Variants in MERTK observed in about 807,000 individuals in gnomAD.
The protein encoded by MERTK is MER proto-oncogene, tyrosine kinase.
Under a neutral mutation model 99.3 loss-of-function variants are expected in MERTK, and 69 were observed. The ratio of observed to expected loss-of-function variants is 0.70; its 90% CI spans 0.57 to 0.85. The LOEUF (loss-of-function observed/expected upper bound fraction) is 0.85. MERTK is among the 40% of genes least tolerant of loss of function. The pLI is 0.00. For missense variants in MERTK, 1,125 were observed against 1,249.4 expected, an observed-to-expected ratio of 0.90 and a Z score of 1.50; for synonymous variants, 426 against 467.6, an observed-to-expected ratio of 0.91 and a Z score of 1.15.
At chr2:111,911,157 G>A (rs1421441233) in intron 1 of MERTK, among the ~76,000 whole-genome samples, 1 of 152,082 alleles carries the variant, frequency 6.6e-6, no homozygotes, top group Non-Finnish European at 1.5e-5. Context: ...CCCCTTTGTG[G>A]AAACAAGGGG....
intron 4 of MERTK, among the ~76,000 whole-genome samples, chr2:111,962,600 CT>C (rs1430687421): frequency 6.6e-6 from 1 of 152,232 alleles, no homozygotes; most frequent in Non-Finnish European, 1.5e-5. Flanking sequence ...CCACTTTCCC[CT>C]ATCGTTAGCA....
chr2:111,997,300 C>T (rs2104401812), intron 9 of MERTK, 23 bp from the exon 10 acceptor site: 2 of 1,612,916 alleles, frequency 1.2e-6, no homozygotes, highest in Middle Eastern at 3.3e-4. Context: ...AAACCCATGA[C>T]TGGTCTATTG....
Position 111,898,941 on chromosome 2 carries a change from G to C in MERTK, c.61+145G>C, listed in dbSNP as rs1307871556. On this transcript the variant is annotated intron_variant, in intron 1 of 18. Coordinates refer to ENST00000295408, the MANE Select transcript of MERTK (RefSeq NM_006343.3). Reference sequence around the variant, plus strand: ...ACCCTCCACCCACTGCGGTGCCAGAGGAGGGGGCGTAGGCGAACCTACCGT... The same window carrying C: ...ACCCTCCACCCACTGCGGTGCCAGACGAGGGGGCGTAGGCGAACCTACCGT... 3.3e-6 allele frequency: 3 copies of C among 897,228 alleles called. No homozygotes were observed. In the East Asian group the frequency reaches 8.4e-5, roughly 25 times the overall value. 55.6% of individuals were successfully genotyped at this position (897,228 alleles called of 1,614,324 possible).
intron 4 of MERTK, among the ~76,000 whole-genome samples, chr2:111,954,972 T>A (rs1005301405): frequency 2.0e-5 from 3 of 152,208 alleles, no homozygotes; most frequent in African/African-American, 7.2e-5. Flanking sequence ...TCCCTTCCAG[T>A]AATTCATGTA....
chr2:111,975,795 G>A (rs1006246041), intron 7 of MERTK, among the ~76,000 whole-genome samples: 5 of 152,006 alleles, frequency 3.3e-5, no homozygotes, highest in Admixed American at 6.5e-5. Context: ...AGAAGCCTTC[G>A]GCCACTCCAA....
intron 2 of MERTK, among the ~76,000 whole-genome samples, chr2:111,937,046 T>C (rs369388019): frequency 2.6e-5 from 4 of 152,096 alleles, no homozygotes; most frequent in African/African-American, 7.2e-5. Context: ...TATTTGTTGT[T>C]TTCTGTTTAG....
intron 1 of MERTK, among the ~76,000 whole-genome samples, chr2:111,900,084 T>C (rs1684015980): frequency 6.6e-6 from 1 of 150,846 alleles, no homozygotes; most frequent in East Asian, 1.9e-4. Context: ...ATTTTCTCTC[T>C]TTTGATCGAG....
chr2:112,022,605 G>A lies in MERTK; in HGVS notation c.2486+211G>A, dbSNP rs77753753. On this transcript the variant is annotated intron_variant, in intron 18 of 18. Coordinates refer to ENST00000295408, the MANE Select transcript of MERTK (RefSeq NM_006343.3). ...TGGTATCTCCAGTGAGCCCACTGAG[G>A]CTCACTCATCCAAAGGGCCTCAGTC... 1,040 of 809,648 alleles carry A rather than the reference G, an allele frequency of 1.3e-3. 10 individuals are homozygous for A. In the African/African-American group the frequency reaches 0.015, roughly 12 times the overall value. The allele number at this position is 809,648 out of a possible 1,614,324, so 50.2% of individuals were successfully genotyped here.
intron 2 of MERTK, among the ~76,000 whole-genome samples, chr2:111,937,571 C>T (rs567303131): frequency 6.6e-6 from 1 of 152,288 alleles, no homozygotes; most frequent in South Asian, 2.1e-4. Context: ...TCGGGGCCCC[C>T]ATGGGCTCTC....
At chr2:111,994,110 A>C (rs1271874690) in intron 8 of MERTK, 141 bp from the exon 9 acceptor site, 3 of 996,704 alleles carry the variant, frequency 3.0e-6, no homozygotes, top group Non-Finnish European at 4.7e-6. Context: ...CCATGGCCTG[A>C]GTGACAAAGG....
intron 1 of MERTK, among the ~76,000 whole-genome samples, chr2:111,901,310 A>C (rs964540427): frequency 1.3e-5 from 2 of 152,212 alleles, no homozygotes; most frequent in African/African-American, 4.8e-5. Context: ...CCCTTAGAGT[A>C]AATTAGGCTT....
At chr2:111,943,656 T>C (rs1204832040) in intron 2 of MERTK, among the ~76,000 whole-genome samples, 1 of 152,218 alleles carries the variant, frequency 6.6e-6, no homozygotes, top group Non-Finnish European at 1.5e-5. Flanking sequence ...GCACTTGACC[T>C]GTGACTGCTG....
chr2:112,017,313 T>C (rs1280336399), intron 15 of MERTK, among the ~76,000 whole-genome samples: 1 of 152,128 alleles, frequency 6.6e-6, no homozygotes, highest in Non-Finnish European at 1.5e-5. Flanking sequence ...TACAATCCTT[T>C]AGCTAGACAC....
chr2:111,914,514 G>T (rs1361531401), intron 1 of MERTK, among the ~76,000 whole-genome samples: 1 of 152,104 alleles, frequency 6.6e-6, no homozygotes, highest in Non-Finnish European at 1.5e-5. Flanking sequence ...CCTGACTTCA[G>T]GTGATCTACC....
chr2:111,961,225 G>A (rs564537271), intron 4 of MERTK, among the ~76,000 whole-genome samples: 54 of 129,388 alleles, frequency 4.2e-4, no homozygotes, highest in African/African-American at 1.5e-3. Flanking sequence ...GCAGTGGTGT[G>A]ATCTCGGCTC....
chr2:111,920,891 G>A (rs1684444607), intron 1 of MERTK, among the ~76,000 whole-genome samples: 1 of 152,116 alleles, frequency 6.6e-6, no homozygotes. Context: ...CCTGACCTCA[G>A]GTGATCTGCC....
At chr2:112,021,329 A>T in intron 16 of MERTK, 93 bp from the exon 17 acceptor site, 1 of 1,576,130 alleles carries the variant, frequency 6.3e-7, no homozygotes, top group African/African-American at 1.3e-5. Flanking sequence ...CTTTTGGTCA[A>T]TTATCATAAG....
chr2:111,967,917 C>T lies in MERTK; in HGVS notation c.845-220C>T, dbSNP rs960508808. ...ATTAGTGAATAGGAAAGTGGGTCTG[C>T]GTTCACTTCTTTGGCCCTTCACTGG... On this transcript the variant is annotated intron_variant, in intron 5 of 18. Coordinates refer to ENST00000295408, the MANE Select transcript of MERTK (RefSeq NM_006343.3). Among the ~76,000 whole-genome samples, 19 of 152,030 alleles carry T rather than the reference C, an allele frequency of 1.2e-4. 1 individual carries two copies. Among genetic ancestry groups the T allele is most frequent in the Admixed American group, 1.1e-3 (17 of 15,266 alleles).
intron 6 of MERTK, among the ~76,000 whole-genome samples, chr2:111,973,202 C>T (rs1479670193): frequency 6.6e-6 from 1 of 152,124 alleles, no homozygotes; most frequent in Non-Finnish European, 1.5e-5. Context: ...CAGACAGTGT[C>T]CCTGAGCCTG....
Sources: gnomAD v4.1 joint callset for allele counts (sites outside exome capture counted in the v4.1 genomes callset) on GRCh38, gnomAD v4.1.1 for gene constraint, MANE v1.5 for transcripts, NCBI Gene and HGNC (gene_info 2026-07-23, HGNC 2026-07-21) for gene names.